QTMAN: variants seen among roughly 807,000 people sequenced by gnomAD.
QTMAN encodes queuosine-tRNA mannosyltransferase.
the QTMAN span, chr2:144,007,171 CCTTGA>C: frequency 6.6e-7 from 1 of 1,517,570 alleles, no homozygotes; most frequent in Non-Finnish European, 9.0e-7. Flanking sequence ...AATTGGCATG[CCTTGA>C]CTTACCACCT....
the QTMAN span, among the ~76,000 whole-genome samples, chr2:144,193,698 A>T: frequency 5.9e-5 from 9 of 152,004 alleles, no homozygotes; most frequent in East Asian, 1.9e-4. Flanking sequence ...TAATTTTTTT[A>T]AATTTTTTTG....
chr2:144,310,861 T>C, the QTMAN span, among the ~76,000 whole-genome samples: 1 of 152,216 alleles, frequency 6.6e-6, no homozygotes, highest in Non-Finnish European at 1.5e-5. Context: ...TATGGAGATG[T>C]CATAAGACAG....
chr2:144,295,796 T>C, the QTMAN span, among the ~76,000 whole-genome samples: 1 of 151,828 alleles, frequency 6.6e-6, no homozygotes, highest in Non-Finnish European at 1.5e-5. Context: ...AATTTTTTTG[T>C]AGAGACGGGA....
chr2:144,115,636 T>C, the QTMAN span, among the ~76,000 whole-genome samples: 1 of 152,208 alleles, frequency 6.6e-6, no homozygotes, highest in Non-Finnish European at 1.5e-5. Flanking sequence ...TTCAAAGTGC[T>C]TGGTGGCAAT....
the QTMAN span, among the ~76,000 whole-genome samples, chr2:144,028,301 T>C: frequency 4.6e-5 from 7 of 152,196 alleles, no homozygotes; most frequent in African/African-American, 9.7e-5. Flanking sequence ...TAACAAAGTT[T>C]AGTGTTGCAA....
the QTMAN span, among the ~76,000 whole-genome samples, chr2:144,309,218 A>T: frequency 1.3e-5 from 2 of 152,252 alleles, no homozygotes; most frequent in African/African-American, 4.8e-5. Context: ...ATTTCTTACA[A>T]AGTTAAGCAT....
At chr2:144,171,002 G>C in the QTMAN span, among the ~76,000 whole-genome samples, 2 of 152,090 alleles carry the variant, frequency 1.3e-5, no homozygotes, top group Non-Finnish European at 2.9e-5. Context: ...GAGGCTGAAA[G>C]GGCTGAATTA....
At chr2:144,021,990 C>A in the QTMAN span, among the ~76,000 whole-genome samples, 1 of 151,960 alleles carries the variant, frequency 6.6e-6, no homozygotes, top group East Asian at 1.9e-4. Flanking sequence ...GAAATTACTA[C>A]AATTTTGTCA....
the QTMAN span, among the ~76,000 whole-genome samples, chr2:144,092,274 C>T: frequency 6.6e-6 from 1 of 151,656 alleles, no homozygotes. Flanking sequence ...CTCCCAGGTT[C>T]ACGCCATTCT....
At chr2:144,228,952 C>T in the QTMAN span, among the ~76,000 whole-genome samples, 4 of 150,732 alleles carry the variant, frequency 2.7e-5, no homozygotes, top group Non-Finnish European at 4.4e-5. Context: ...AGCAAGACTC[C>T]ATCCAAAAAA....
At chr2:144,326,922 TGA>T in the QTMAN span, among the ~76,000 whole-genome samples, 1 of 151,876 alleles carries the variant, frequency 6.6e-6, no homozygotes, top group Non-Finnish European at 1.5e-5. Flanking sequence ...GAGAGCAAGA[TGA>T]GAGAGAGAGG....
the QTMAN span, among the ~76,000 whole-genome samples, chr2:144,041,427 A>G: frequency 6.6e-6 from 1 of 152,232 alleles, no homozygotes; most frequent in Non-Finnish European, 1.5e-5. Context: ...TACCCAGTGA[A>G]TATCTGTCAC....
chr2:144,183,381 T>C, the QTMAN span, among the ~76,000 whole-genome samples: 2 of 152,122 alleles, frequency 1.3e-5, no homozygotes, highest in Admixed American at 6.6e-5. Flanking sequence ...TACATGTTTT[T>C]TTTCCTTCTC....
the QTMAN span, among the ~76,000 whole-genome samples, chr2:144,068,820 G>A: frequency 6.6e-6 from 1 of 152,096 alleles, no homozygotes; most frequent in Non-Finnish European, 1.5e-5. Context: ...TTAGAATAAG[G>A]TCAAAGCAAA....
the QTMAN span, among the ~76,000 whole-genome samples, chr2:144,085,021 G>C: frequency 6.6e-6 from 1 of 152,182 alleles, no homozygotes; most frequent in Non-Finnish European, 1.5e-5. Flanking sequence ...ATTTTGACCT[G>C]TATGAACATT....
chr2:144,273,001 A>G, the QTMAN span, among the ~76,000 whole-genome samples: 5 of 152,200 alleles, frequency 3.3e-5, no homozygotes, highest in Non-Finnish European at 7.3e-5. Flanking sequence ...TAATTATTTA[A>G]AAACACTAAA....
chr2:144,318,722 A>C, the QTMAN span, among the ~76,000 whole-genome samples: 253 of 152,344 alleles, frequency 1.7e-3, no homozygotes, highest in African/African-American at 5.8e-3. Flanking sequence ...ATTTCAAGGT[A>C]AGTCATGAAG....
the QTMAN span, among the ~76,000 whole-genome samples, chr2:144,140,550 G>GA: frequency 6.6e-6 from 1 of 151,888 alleles, no homozygotes; most frequent in South Asian, 2.1e-4. Context: ...TCACACATAA[G>GA]AAAACTATGT....
chr2:144,330,109 T>C, the QTMAN span, among the ~76,000 whole-genome samples: 3 of 152,224 alleles, frequency 2.0e-5, no homozygotes, highest in African/African-American at 7.2e-5. Context: ...AATTAGATTA[T>C]TACATGTGAT....
Sources: allele counts gnomAD v4.1 joint callset (sites outside exome capture counted in the v4.1 genomes callset), GRCh38; gene constraint gnomAD v4.1.1; transcripts MANE v1.5; gene names NCBI Gene and HGNC (gene_info 2026-07-23, HGNC 2026-07-21).